The following DNAH12 variants were observed in gnomAD, a reference collection of about 807,000 sequenced individuals.
DNAH12 encodes axonemal beta dynein heavy chain 12.
In DNAH12, 285 loss-of-function variants were observed where a neutral mutation model predicts 371.5. The observed-to-expected ratio is 0.77, with a 90% CI of 0.70 to 0.85. DNAH12 has a LOEUF of 0.85. DNAH12 is among the 40% of genes least tolerant of loss of function. The probability of loss-of-function intolerance (pLI) is 0.00; values close to 1 mark genes in which losing one functional copy is unlikely to be tolerated. For synonymous variants in DNAH12, 1,200 were observed against 1,213.0 expected (o/e 0.99, Z 0.22); for missense variants, 3,611 against 3,689.4 (o/e 0.98, Z 0.55).
chr3:57,523,650 AT>A, intron 3 of DNAH12, 41 bp from the exon 4 acceptor site: 1 of 1,437,812 alleles, frequency 7.0e-7, no homozygotes, highest in Non-Finnish European at 9.2e-7. Flanking sequence ...CAAGGAGAAC[AT>A]TTTAAAATTA....
intron 11 of DNAH12, among the ~76,000 whole-genome samples, chr3:57,500,788 G>T (rs1448758989): frequency 1.3e-5 from 2 of 151,680 alleles, no homozygotes; most frequent in East Asian, 1.9e-4. Flanking sequence ...ACAGTGTCTC[G>T]CCCTGTTGCC....
chr3:57,510,671 C>G (rs539730787), intron 5 of DNAH12, 119 bp downstream of exon 5: 45 of 874,328 alleles, frequency 5.1e-5, no homozygotes, highest in African/African-American at 4.4e-4. Flanking sequence ...AGAAAAAAAC[C>G]AGATATAGTT....
At chr3:57,419,692 A>T (rs1026023587) in intron 36 of DNAH12, among the ~76,000 whole-genome samples, 174 bp from the exon 37 acceptor site, 1 of 152,214 alleles carries the variant, frequency 6.6e-6, no homozygotes, top group Non-Finnish European at 1.5e-5. Context: ...AGTCATAAGC[A>T]GATTAATAAA....
intron 32 of DNAH12, among the ~76,000 whole-genome samples, chr3:57,432,167 TC>T (rs1216329258): frequency 1.4e-5 from 1 of 72,072 alleles, no homozygotes; most frequent in African/African-American, 7.1e-5. Context: ...CTTCAGTATA[TC>T]TTTTTTTTTT....
chr3:57,434,884 T>G (rs552366962), intron 30 of DNAH12, among the ~76,000 whole-genome samples: 12 of 152,002 alleles, frequency 7.9e-5, no homozygotes, highest in Non-Finnish European at 1.3e-4. Flanking sequence ...AAAAACATGG[T>G]CAGTTTGCAA....
At chr3:57,358,368 G>A (rs2062846713) in intron 58 of DNAH12, among the ~76,000 whole-genome samples, 1 of 152,168 alleles carries the variant, frequency 6.6e-6, no homozygotes, top group East Asian at 1.9e-4. Context: ...ATAGAGTAGA[G>A]GGAAGCACAG....
intron 13 of DNAH12, 34 bp from the exon 14 acceptor site, chr3:57,472,705 T>C (rs768155832): frequency 5.9e-6 from 9 of 1,529,992 alleles, no homozygotes; most frequent in African/African-American, 2.8e-5. Context: ...ATATGTCATA[T>C]AGAAAATCTA....
At chr3:57,334,703 AC>A (rs2062183479) in intron 61 of DNAH12, 78 bp downstream of exon 61, 12 of 1,505,606 alleles carry the variant, frequency 8.0e-6, no homozygotes, top group Non-Finnish European at 1.1e-5. Flanking sequence ...GCTATTTAAA[AC>A]CATTTAAAAA....
In DNAH12 at chr3:57,515,878, C is replaced by T. The variant is rs567651161; in HGVS notation, c.280-4899G>A. Among the ~76,000 whole-genome samples, 6 of 151,772 alleles carry T rather than the reference C, an allele frequency of 4.0e-5. No individual in the cohort carries two copies. In the South Asian group the frequency reaches 8.3e-4, roughly 21 times the overall value. ...GGGGAATTCTTTGTACTCTTTTTTG[C>T]AACTTTTCCGTATGTCTAAAATTAT... On this transcript the variant is annotated intron_variant, in intron 4 of 73. Transcript: ENST00000495027.
At chr3:57,508,645 G>A in intron 6 of DNAH12, 105 bp from the exon 7 acceptor site, 2 of 1,315,640 alleles carry the variant, frequency 1.5e-6, no homozygotes, top group Non-Finnish European at 2.0e-6. Flanking sequence ...AGAAAACTGG[G>A]GCTTGAGAAG....
chr3:57,394,903 A>T (rs2063704534), intron 43 of DNAH12, among the ~76,000 whole-genome samples: 1 of 152,166 alleles, frequency 6.6e-6, no homozygotes, highest in African/African-American at 2.4e-5. Context: ...AATATAAGAT[A>T]TGGGCTCAGT....
At chr3:57,471,338 G>A (rs935828551) in intron 15 of DNAH12, 134 bp downstream of exon 15, 7 of 549,116 alleles carry the variant, frequency 1.3e-5, no homozygotes, top group African/African-American at 8.1e-5. Context: ...ATGTATATAT[G>A]TAATATATAG....
chr3:57,346,314 T>C (rs2062541132), intron 60 of DNAH12, among the ~76,000 whole-genome samples: 1 of 152,150 alleles, frequency 6.6e-6, no homozygotes, highest in South Asian at 2.1e-4. Context: ...GAGGGGAAAC[T>C]GTAAAGAGTC....
chr3:57,318,679 G>T, intron 65 of DNAH12, among the ~76,000 whole-genome samples: 1 of 150,090 alleles, frequency 6.7e-6, no homozygotes, highest in East Asian at 2.0e-4. Context: ...AATGTTAACT[G>T]GTAAGTATAA....
chr3:57,436,223 TAA>T (rs756890788), intron 30 of DNAH12, among the ~76,000 whole-genome samples: 16 of 152,100 alleles, frequency 1.1e-4, no homozygotes, highest in Non-Finnish European at 1.8e-4. Context: ...AACATATATA[TAA>T]CTTTTACTTA....
intron 57 of DNAH12, among the ~76,000 whole-genome samples, chr3:57,364,140 T>G (rs2062997210): frequency 6.6e-6 from 1 of 152,150 alleles, no homozygotes; most frequent in South Asian, 2.1e-4. Context: ...TCATCATATT[T>G]TCTATAGTAG....
chr3:57,341,751 A>T (rs1162879389), intron 60 of DNAH12, among the ~76,000 whole-genome samples: 1 of 152,120 alleles, frequency 6.6e-6, no homozygotes, highest in East Asian at 1.9e-4. Flanking sequence ...TCACAGAAAT[A>T]GAAAAAAAAA....
At chr3:57,440,101 C>T (rs192246596) in intron 29 of DNAH12, among the ~76,000 whole-genome samples, 51 of 152,198 alleles carry the variant, frequency 3.4e-4, no homozygotes, top group South Asian at 1.0e-3. Context: ...GTTCAGTCAC[C>T]GTGGAAAGCA....
In DNAH12 at chr3:57,534,805, G is replaced by T. The variant is rs149230629; in HGVS notation, c.170+7896C>A. Among the ~76,000 whole-genome samples the T allele has an allele frequency of 1.2e-3, 176 of 152,156 alleles. 1 individual carries two copies. The East Asian group carries it at 0.033, about 28-fold the overall frequency. The stretch of plus-strand genomic sequence containing the variant: ...ATTACAGGTGTGAGTCACTATGCCT[G>T]GCCAGTTAGCTCATATTCTTAGAAA... On this transcript the variant is annotated intron_variant, in intron 2 of 73. Transcript: ENST00000495027.
Sources: gnomAD v4.1 joint callset for allele counts (sites outside exome capture counted in the v4.1 genomes callset) on GRCh38, gnomAD v4.1.1 for gene constraint, MANE v1.5 for transcripts, NCBI Gene and HGNC (gene_info 2026-07-23, HGNC 2026-07-21) for gene names.